The following PCDH9 variants were observed in gnomAD, a reference collection of about 807,000 sequenced individuals.
The protein encoded by PCDH9 is protocadherin 9.
PCDH9 carries 24 observed loss-of-function variants against 70.6 expected under a neutral mutation model. That is an observed-to-expected ratio of 0.34 (90% CI 0.25 to 0.48). The LOEUF (loss-of-function observed/expected upper bound fraction) is 0.48. Among genes scored for constraint, PCDH9 ranks in the 20% least tolerant of loss-of-function variants. PCDH9 has a pLI of 0.99. For missense variants in PCDH9, 1,281 were observed against 1,503.6 expected (o/e 0.85, Z 2.45); for synonymous variants, 562 against 558.5 (o/e 1.01, Z -0.09).
intron 4 of PCDH9, among the ~76,000 whole-genome samples, chr13:66,339,723 T>A (rs141593919): frequency 2.6e-5 from 4 of 152,164 alleles, no homozygotes; most frequent in African/African-American, 9.6e-5. Context: ...TTTTTGAACA[T>A]GCATTTGTGG....
intron 2 of PCDH9, among the ~76,000 whole-genome samples, chr13:66,998,659 A>G (rs1214598338): frequency 6.6e-6 from 1 of 152,136 alleles, no homozygotes; most frequent in East Asian, 1.9e-4. Flanking sequence ...CCTCTTCCTC[A>G]TAGTTAGCCA....
Position 66,855,828 on chromosome 13 carries a change from T to TA in PCDH9, c.3138+47675dup, listed in dbSNP as rs528237759. Among the ~76,000 whole-genome samples, 38 of 152,058 alleles carry TA rather than the reference T, an allele frequency of 2.5e-4. 1 individual carries two copies. In the South Asian group the frequency reaches 4.1e-3, roughly 17 times the overall value. On this transcript the variant is annotated intron_variant, in intron 3 of 4. Transcript: ENST00000377865. ...GTTGGTATTTATATATGAATAAACA[T>TA]AAAAAACTCATATACTATCTACTTG...
At chr13:66,689,439 T>C (rs1269117388) in intron 3 of PCDH9, among the ~76,000 whole-genome samples, 1 of 152,062 alleles carries the variant, frequency 6.6e-6, no homozygotes, top group Non-Finnish European at 1.5e-5. Flanking sequence ...AAGCGTGGAG[T>C]ACATGACAGC....
At chr13:66,786,865 C>T (rs369468301) in intron 3 of PCDH9, among the ~76,000 whole-genome samples, 11 of 152,224 alleles carry the variant, frequency 7.2e-5, no homozygotes, top group African/African-American at 2.6e-4. Flanking sequence ...AAAAAATTCT[C>T]ATCATGCATA....
chr13:66,665,151 G>T (rs1384811066), intron 3 of PCDH9, among the ~76,000 whole-genome samples: 2 of 149,498 alleles, frequency 1.3e-5, no homozygotes, highest in African/African-American at 4.9e-5. Context: ...TTGTCGCCCA[G>T]GCTGGAGGGC....
At chr13:66,763,880 C>G (rs2079667843) in intron 3 of PCDH9, among the ~76,000 whole-genome samples, 1 of 152,000 alleles carries the variant, frequency 6.6e-6, no homozygotes, top group African/African-American at 2.4e-5. Context: ...CTCACTGCAA[C>G]CTCCGCCTCC....
intron 4 of PCDH9, among the ~76,000 whole-genome samples, chr13:66,524,046 TGGA>T (rs1960111136): frequency 6.6e-6 from 1 of 151,998 alleles, no homozygotes; most frequent in South Asian, 2.1e-4. Flanking sequence ...AGCCCTCAGA[TGGA>T]GAAGTGAGGG....
chr13:67,172,777 C>G (rs2088328445), intron 2 of PCDH9, among the ~76,000 whole-genome samples: 1 of 149,120 alleles, frequency 6.7e-6, no homozygotes, highest in African/African-American at 2.5e-5. Flanking sequence ...ACTCGAGGGG[C>G]TGAGGCAGGA....
chr13:66,390,290 T>C (rs2138266149), intron 4 of PCDH9, among the ~76,000 whole-genome samples: 1 of 152,296 alleles, frequency 6.6e-6, no homozygotes, highest in East Asian at 1.9e-4. Context: ...GTCCGTCTCA[T>C]GGCACTCCAT....
At chr13:67,184,511 T>C (rs1217069019) in intron 2 of PCDH9, among the ~76,000 whole-genome samples, 1 of 152,132 alleles carries the variant, frequency 6.6e-6, no homozygotes, top group Non-Finnish European at 1.5e-5. Flanking sequence ...GGCAGTCTCC[T>C]TGAGCTCAGA....
chr13:66,367,249 A>G (rs767505731), intron 4 of PCDH9, among the ~76,000 whole-genome samples: 3 of 152,134 alleles, frequency 2.0e-5, no homozygotes, highest in Non-Finnish European at 2.9e-5. Flanking sequence ...CTTCAAATCC[A>G]TTTCCAAAAA....
At chr13:66,538,593 G>A (rs559206066) in intron 4 of PCDH9, among the ~76,000 whole-genome samples, 2 of 151,824 alleles carry the variant, frequency 1.3e-5, no homozygotes, top group East Asian at 3.9e-4. Context: ...GAAGTGTGTT[G>A]GCAGAATTCC....
chr13:66,740,440 C>G (rs1205824859), intron 3 of PCDH9, among the ~76,000 whole-genome samples: 10 of 112,756 alleles, frequency 8.9e-5, no homozygotes, highest in African/African-American at 2.9e-4. Context: ...ACTAGAAAAG[C>G]AAGAGCAAAC....
chr13:66,934,542 A>C lies in PCDH9; in HGVS notation c.3037-30937T>G, dbSNP rs868427535. 2.3e-3 allele frequency among the ~76,000 whole-genome samples: 326 copies of C among 138,754 alleles called. 1 individual carries two copies. Among genetic ancestry groups the C allele is most frequent in the African/African-American group, 5.2e-3 (197 of 38,006 alleles). 91.0% of individuals were successfully genotyped at this position (138,754 alleles called of 152,430 possible). ...GGTGACAATAGTGAAACTCAGTCCC[A>C]AAAAAAAAAAAAAAAGAAAAAGAAA... On this transcript the variant is annotated intron_variant, in intron 2 of 4. Coordinates refer to ENST00000377865, the MANE Select transcript of PCDH9 (RefSeq NM_203487.3).
At chr13:66,814,057 C>T (rs1396201675) in intron 3 of PCDH9, among the ~76,000 whole-genome samples, 1 of 152,164 alleles carries the variant, frequency 6.6e-6, no homozygotes, top group Non-Finnish European at 1.5e-5. Context: ...AATGCCACTA[C>T]ATTTTAGCTT....
At chr13:66,614,227 G>C (rs1453465851) in intron 4 of PCDH9, among the ~76,000 whole-genome samples, 1 of 152,168 alleles carries the variant, frequency 6.6e-6, no homozygotes, top group Non-Finnish European at 1.5e-5. Flanking sequence ...TAGGGTTAAA[G>C]GATTGTTTTT....
chr13:67,185,044 T>C (rs2088716681), intron 2 of PCDH9, among the ~76,000 whole-genome samples: 1 of 152,170 alleles, frequency 6.6e-6, no homozygotes, highest in Non-Finnish European at 1.5e-5. Flanking sequence ...CTCCTATACC[T>C]AGCAATGCCC....
intron 2 of PCDH9, among the ~76,000 whole-genome samples, chr13:66,916,204 A>G (rs1004267777): frequency 2.6e-5 from 4 of 151,686 alleles, no homozygotes; most frequent in African/African-American, 9.7e-5. Flanking sequence ...TCAATCCCGT[A>G]TTTTAAATTA....
chr13:66,474,737 C>A (rs79213694), intron 4 of PCDH9, among the ~76,000 whole-genome samples: 1 of 152,000 alleles, frequency 6.6e-6, no homozygotes, highest in Non-Finnish European at 1.5e-5. Flanking sequence ...TGTCCTGGCT[C>A]TTACCACTAT....
Sources: gnomAD v4.1 joint callset for allele counts (sites outside exome capture counted in the v4.1 genomes callset) on GRCh38, gnomAD v4.1.1 for gene constraint, MANE v1.5 for transcripts, NCBI Gene and HGNC (gene_info 2026-07-23, HGNC 2026-07-21) for gene names.